HS6ST3: variants seen among roughly 807,000 people sequenced by gnomAD.
HS6ST3 encodes heparan-sulfate 6-O-sulfotransferase 3.
Under a neutral mutation model 36.7 loss-of-function variants are expected in HS6ST3, and 12 were observed. That is an observed-to-expected ratio of 0.33 (90% CI 0.21 to 0.53). HS6ST3 has a LOEUF of 0.53. Ranked by LOEUF, HS6ST3 falls within the 20% of genes least tolerant of loss-of-function variation. HS6ST3 has a pLI of 0.95. For synonymous variants in HS6ST3, 240 were observed against 257.5 expected, an observed-to-expected ratio of 0.93 and a Z score of 0.65; for missense variants, 584 against 640.9, an observed-to-expected ratio of 0.91 and a Z score of 0.96.
intron 1 of HS6ST3, among the ~76,000 whole-genome samples, chr13:96,550,222 G>A (rs755473395): frequency 2.0e-5 from 3 of 152,074 alleles, no homozygotes; most frequent in Non-Finnish European, 4.4e-5. Flanking sequence ...ATGGCTTTGT[G>A]CTGTCCTCCT....
At chr13:96,449,328 C>T (rs1464145913) in intron 1 of HS6ST3, among the ~76,000 whole-genome samples, 1 of 152,168 alleles carries the variant, frequency 6.6e-6, no homozygotes, top group African/African-American at 2.4e-5. Context: ...TCCTCTCTCC[C>T]CTTCCACTCC....
chr13:96,568,817 G>C (rs2056291046), intron 1 of HS6ST3, among the ~76,000 whole-genome samples: 1 of 152,158 alleles, frequency 6.6e-6, no homozygotes, highest in South Asian at 2.1e-4. Flanking sequence ...ATAACACTTG[G>C]TTGCAATCCA....
At chr13:96,213,852 A>T (rs892722585) in intron 1 of HS6ST3, among the ~76,000 whole-genome samples, 8 of 152,130 alleles carry the variant, frequency 5.3e-5, no homozygotes, top group African/African-American at 1.9e-4. Flanking sequence ...TGTGTCCTAG[A>T]TCTCTAGGTC....
At chr13:96,352,318 T>G (rs1314203168) in intron 1 of HS6ST3, among the ~76,000 whole-genome samples, 1 of 152,242 alleles carries the variant, frequency 6.6e-6, no homozygotes, top group Non-Finnish European at 1.5e-5. Flanking sequence ...GAGTTTGCAG[T>G]CATGCCTGCT....
Position 96,253,172 on chromosome 13 carries a change from G to A in HS6ST3, c.707+161603G>A, listed in dbSNP as rs761094068. Reference sequence around the variant, plus strand: ...GGGTGGGCCTCTTGGTGGAGTTTGTGAGCCAGTTAGTAGAATCTGCAGTTG... The same window carrying A: ...GGGTGGGCCTCTTGGTGGAGTTTGTAAGCCAGTTAGTAGAATCTGCAGTTG... On this transcript the variant is annotated intron_variant, in intron 1 of 1. Transcript: ENST00000376705. 7.2e-5 allele frequency among the ~76,000 whole-genome samples: 11 copies of A among 152,032 alleles called. No individual in the cohort carries two copies. In the South Asian group the frequency reaches 1.2e-3, roughly 17 times the overall value.
intron 1 of HS6ST3, among the ~76,000 whole-genome samples, chr13:96,823,087 AC>A (rs2138543483): frequency 6.6e-6 from 1 of 152,186 alleles, no homozygotes; most frequent in Non-Finnish European, 1.5e-5. Context: ...TGTCTCCAGC[AC>A]CCTCTTGGCT....
At chr13:96,652,299 T>A (rs581647) in intron 1 of HS6ST3, among the ~76,000 whole-genome samples, 150,732 of 152,160 alleles carry the variant, frequency 0.99, 74,670 homozygotes, top group Middle Eastern at 1. Context: ...AATGTGTTTT[T>A]TATGTATACA....
At chr13:96,489,672 G>C (rs1399458457) in intron 1 of HS6ST3, among the ~76,000 whole-genome samples, 1 of 151,984 alleles carries the variant, frequency 6.6e-6, no homozygotes, top group Non-Finnish European at 1.5e-5. Flanking sequence ...ATCATAATAA[G>C]AGCTAACATT....
chr13:96,217,844 T>C (rs150212150), intron 1 of HS6ST3, among the ~76,000 whole-genome samples: 18 of 152,216 alleles, frequency 1.2e-4, no homozygotes, highest in African/African-American at 4.3e-4. Context: ...ATGTGTATAG[T>C]TAGATACATA....
At chr13:96,583,601 G>C (rs1308772287) in intron 1 of HS6ST3, among the ~76,000 whole-genome samples, 3 of 152,068 alleles carry the variant, frequency 2.0e-5, no homozygotes, top group Non-Finnish European at 4.4e-5. Context: ...TTTTGAATGT[G>C]CTTTTCTCCA....
chr13:96,765,394 T>C (rs1210954181), intron 1 of HS6ST3, among the ~76,000 whole-genome samples: 1 of 152,180 alleles, frequency 6.6e-6, no homozygotes, highest in Non-Finnish European at 1.5e-5. Flanking sequence ...TTTCAAGCAC[T>C]CAGTAGCCAC....
intron 1 of HS6ST3, among the ~76,000 whole-genome samples, chr13:96,770,799 G>A (rs1481907718): frequency 6.6e-6 from 1 of 152,198 alleles, no homozygotes; most frequent in Non-Finnish European, 1.5e-5. Flanking sequence ...CTGCTGTGCA[G>A]GTTGCCCCAT....
chr13:96,101,611 A>G (rs1762456150), intron 1 of HS6ST3, among the ~76,000 whole-genome samples: 1 of 152,122 alleles, frequency 6.6e-6, no homozygotes, highest in Admixed American at 6.6e-5. Context: ...CTGAGAGTCA[A>G]AATGCCATCA....
chr13:96,792,123 G>A (rs1877806622), intron 1 of HS6ST3, among the ~76,000 whole-genome samples: 1 of 151,948 alleles, frequency 6.6e-6, no homozygotes, highest in Non-Finnish European at 1.5e-5. Flanking sequence ...CAAGTTAAAA[G>A]AAATGGAAAA....
intron 1 of HS6ST3, among the ~76,000 whole-genome samples, chr13:96,260,792 A>T (rs944010429): frequency 3.3e-5 from 5 of 151,996 alleles, no homozygotes; most frequent in Admixed American, 2.6e-4. Flanking sequence ...GGCACGCACC[A>T]CCACACCTAG....
intron 1 of HS6ST3, among the ~76,000 whole-genome samples, chr13:96,260,035 T>C (rs750690529): frequency 6.6e-6 from 1 of 152,144 alleles, no homozygotes; most frequent in Non-Finnish European, 1.5e-5. Flanking sequence ...AAACACAAAA[T>C]GAGTCAATAA....
intron 1 of HS6ST3, among the ~76,000 whole-genome samples, chr13:96,200,552 C>T (rs1341807739): frequency 6.6e-6 from 1 of 152,182 alleles, no homozygotes; most frequent in African/African-American, 2.4e-5. Context: ...CCTCTTCTCT[C>T]CCCAGACCAT....
intron 1 of HS6ST3, among the ~76,000 whole-genome samples, chr13:96,205,050 T>TC (rs1351548305): frequency 1.4e-5 from 2 of 138,752 alleles, no homozygotes; most frequent in Non-Finnish European, 3.1e-5. Context: ...AATCCAGGAG[T>TC]TTTTTTTGAA....
chr13:96,642,300 C>T (rs1463357565), intron 1 of HS6ST3, among the ~76,000 whole-genome samples: 1 of 151,816 alleles, frequency 6.6e-6, no homozygotes, highest in Non-Finnish European at 1.5e-5. Flanking sequence ...TTGCCTCTTT[C>T]ACTATTCTCT....
Sources: gnomAD v4.1 joint callset for allele counts (sites outside exome capture counted in the v4.1 genomes callset) on GRCh38, gnomAD v4.1.1 for gene constraint, MANE v1.5 for transcripts, NCBI Gene and HGNC (gene_info 2026-07-23, HGNC 2026-07-21) for gene names.